Variants in INSC observed in about 807,000 individuals in gnomAD.
INSC encodes INSC spindle orientation adaptor protein, also known as protein inscuteable homolog.
A neutral mutation model predicts 58.6 loss-of-function variants in INSC; 67 were observed. The observed-to-expected ratio is 1.14, with a 90% CI of 0.94 to 1.40. INSC has a LOEUF of 1.40. Among genes scored for constraint, INSC ranks in the 40% most tolerant of loss-of-function variants. The pLI is 0.00. For synonymous variants in INSC, 262 were observed against 276.1 expected, an observed-to-expected ratio of 0.95 and a Z score of 0.51; for missense variants, 714 against 692.0, an observed-to-expected ratio of 1.03 and a Z score of -0.36.
intron 1 of INSC, among the ~76,000 whole-genome samples, chr11:15,123,409 AAT>A (rs1343401384): frequency 1.3e-5 from 2 of 152,192 alleles, no homozygotes; most frequent in Non-Finnish European, 2.9e-5. Flanking sequence ...ACATGCCACA[AAT>A]ATATGTTGAA....
At chr11:15,201,217 T>C (rs1306004208) in intron 7 of INSC, among the ~76,000 whole-genome samples, 1 of 152,002 alleles carries the variant, frequency 6.6e-6, no homozygotes, top group Non-Finnish European at 1.5e-5. Flanking sequence ...CTGGGGAGAC[T>C]CCTGTGGGTG....
At chr11:15,258,433 T>C in the INSC span, among the ~76,000 whole-genome samples, 1 of 152,186 alleles carries the variant, frequency 6.6e-6, no homozygotes, top group Admixed American at 6.5e-5. Flanking sequence ...TTGAAGGTTC[T>C]TTATAATTGT....
At chr11:15,114,855 G>A, upstream of INSC, 1 of 831,438 alleles carries the variant, frequency 1.2e-6, no homozygotes, top group Non-Finnish European at 1.4e-6. Flanking sequence ...GGGCGGGCGG[G>A]GGAGAACGGG....
intron 5 of INSC, among the ~76,000 whole-genome samples, chr11:15,180,212 C>G (rs748698785): frequency 3.9e-5 from 6 of 151,938 alleles, no homozygotes; most frequent in Non-Finnish European, 7.4e-5. Context: ...GAGGGGAGAT[C>G]GCGCCACTGC....
At chr11:15,124,790 A>G (rs1847952046) in intron 1 of INSC, among the ~76,000 whole-genome samples, 1 of 152,170 alleles carries the variant, frequency 6.6e-6, no homozygotes, top group Non-Finnish European at 1.5e-5. Context: ...CAGGCATAGG[A>G]CAATGACAGC....
chr11:15,149,460 G>C (rs1848581808), intron 2 of INSC, among the ~76,000 whole-genome samples: 1 of 152,214 alleles, frequency 6.6e-6, no homozygotes, highest in South Asian at 2.1e-4. Flanking sequence ...ATGAGCTGAA[G>C]TCTAATGCTG....
chr11:15,150,052 CA>C (rs1469406125), intron 2 of INSC, among the ~76,000 whole-genome samples: 1 of 152,254 alleles, frequency 6.6e-6, no homozygotes, highest in East Asian at 1.9e-4. Flanking sequence ...CTTTTTTTCA[CA>C]ATGTCTTCAT....
At chr11:15,215,075 A>C (rs914842493) in intron 7 of INSC, among the ~76,000 whole-genome samples, 9 of 152,212 alleles carry the variant, frequency 5.9e-5, no homozygotes, top group African/African-American at 2.2e-4. Context: ...GAAGAATCTC[A>C]GCATTCGCCA....
chr11:15,191,180 C>G (rs2097167), intron 6 of INSC, among the ~76,000 whole-genome samples: 3,541 of 152,012 alleles, frequency 0.023, 124 homozygotes, highest in African/African-American at 0.066. Context: ...GGGGTTTCAC[C>G]GTGTTAGCCA....
intron 2 of INSC, among the ~76,000 whole-genome samples, chr11:15,171,459 C>G (rs767528330): frequency 2.6e-4 from 40 of 152,198 alleles, no homozygotes; most frequent in Non-Finnish European, 5.9e-5. Context: ...ATGGTTCCCT[C>G]TCTTCCAGAA....
intron 7 of INSC, among the ~76,000 whole-genome samples, chr11:15,209,607 G>A (rs1419576064): frequency 6.6e-6 from 1 of 152,154 alleles, no homozygotes; most frequent in African/African-American, 2.4e-5. Context: ...TCCCCACCAA[G>A]AGACACTATC....
At chr11:15,191,671 A>G (rs558004969) in intron 6 of INSC, among the ~76,000 whole-genome samples, 1 of 152,342 alleles carries the variant, frequency 6.6e-6, no homozygotes, top group African/African-American at 2.4e-5. Flanking sequence ...ATAACAACCT[A>G]TACCCCATAA....
chr11:15,263,157 GA>G, the INSC span, among the ~76,000 whole-genome samples: 3 of 152,144 alleles, frequency 2.0e-5, no homozygotes, highest in African/African-American at 7.2e-5. Context: ...AGATATATCT[GA>G]AAAGGTGTAC....
intron 1 of INSC, among the ~76,000 whole-genome samples, chr11:15,124,048 A>G (rs1161366035): frequency 2.0e-5 from 3 of 152,158 alleles, no homozygotes; most frequent in African/African-American, 7.2e-5. Flanking sequence ...TACATTCCTC[A>G]CTCACTCATT....
chr11:15,172,477 T>C (rs1205763555), intron 2 of INSC, among the ~76,000 whole-genome samples: 1 of 152,216 alleles, frequency 6.6e-6, no homozygotes, highest in East Asian at 1.9e-4. Context: ...AAGAGACTGT[T>C]CCTCACAGGA....
chr11:15,249,907 A>C (rs1852632596), downstream of INSC, among the ~76,000 whole-genome samples: 1 of 152,242 alleles, frequency 6.6e-6, no homozygotes, highest in African/African-American at 2.4e-5. Context: ...CTCACTGGTC[A>C]GGTGCAGCAC....
chr11:15,252,508 T>A, the INSC span, among the ~76,000 whole-genome samples: 1 of 152,214 alleles, frequency 6.6e-6, no homozygotes, highest in African/African-American at 2.4e-5. Context: ...TGGTTAGTAG[T>A]GGGAGGCCTC....
intron 1 of INSC, among the ~76,000 whole-genome samples, chr11:15,143,032 G>A (rs1171917653): frequency 3.3e-5 from 5 of 152,076 alleles, no homozygotes; most frequent in Non-Finnish European, 7.4e-5. Context: ...CTGTGAGGAA[G>A]CTGAGCTTCC....
intron 6 of INSC, 72 bp from the exon 7 acceptor site, chr11:15,200,752 G>A: frequency 1.3e-6 from 2 of 1,598,908 alleles, no homozygotes; most frequent in Non-Finnish European, 1.7e-6. Context: ...AATCAGGGAT[G>A]TCACTTATTC....
Sources: allele counts gnomAD v4.1 joint callset (sites outside exome capture counted in the v4.1 genomes callset), GRCh38; gene constraint gnomAD v4.1.1; transcripts MANE v1.5; gene names NCBI Gene and HGNC (gene_info 2026-07-23, HGNC 2026-07-21).